The following WWOX variants were observed in gnomAD, a reference collection of about 807,000 sequenced individuals.
WWOX encodes WW domain containing oxidoreductase.
In WWOX, 69 loss-of-function variants were observed where a neutral mutation model predicts 46.2. The ratio of observed to expected loss-of-function variants is 1.49; its 90% confidence interval spans 1.23 to 1.82. The LOEUF (loss-of-function observed/expected upper bound fraction) is 1.82, where lower values mean the gene tolerates loss of function less well. Ranked by LOEUF, WWOX falls within the 40% of genes most tolerant of loss-of-function variation. The pLI is 0.00. For missense variants in WWOX, 919 were observed against 542.6 expected (o/e 1.69, Z -6.89); for synonymous variants, 359 against 202.6 (o/e 1.77, Z -6.56).
intron 8 of WWOX, among the ~76,000 whole-genome samples, chr16:79,150,204 C>G (rs920261884): frequency 6.6e-6 from 1 of 152,138 alleles, no homozygotes; most frequent in Non-Finnish European, 1.5e-5. Flanking sequence ...AGAAGAGATC[C>G]TTTCCCAAAC....
intron 8 of WWOX, among the ~76,000 whole-genome samples, chr16:79,091,592 G>A (rs1212299635): frequency 1.3e-5 from 2 of 152,034 alleles, no homozygotes; most frequent in East Asian, 1.9e-4. Flanking sequence ...CAATCTGGGG[G>A]AACTGTGCCC....
Position 78,514,706 on chromosome 16 carries a change from T to C in WWOX, c.1056+81954T>C, listed in dbSNP as rs190040343. ...ATTTATTATTAAGTGGAATAAGCAGTTTAAAAACAGTATGTACAGGGTGGT... is the reference window on the plus strand; with the variant it reads ...ATTTATTATTAAGTGGAATAAGCAGCTTAAAAACAGTATGTACAGGGTGGT... On this transcript the variant is annotated intron_variant, in intron 8 of 8. Transcript: ENST00000566780. 3.3e-3 allele frequency among the ~76,000 whole-genome samples: 497 copies of C among 152,272 alleles called. 2 individuals are homozygous for C. The highest frequency in any genetic ancestry group is 0.01 in the Middle Eastern group (3 of 294).
chr16:78,802,201 G>GGTTTTTTTTTTTTTTTTTTTTTT (rs2050908504), intron 8 of WWOX, among the ~76,000 whole-genome samples: 2 of 119,910 alleles, frequency 1.7e-5, no homozygotes, highest in Non-Finnish European at 3.5e-5. Context: ...TGTTTGTTTA[G>GGTTTTTTTTTTTTTTTTTTTTTT]GTTTTTTTTT....
chr16:78,991,334 C>T (rs1159712525), intron 8 of WWOX, among the ~76,000 whole-genome samples: 1 of 152,156 alleles, frequency 6.6e-6, no homozygotes, highest in Admixed American at 6.5e-5. Context: ...TGGCTCACGC[C>T]TGTAATTCCA....
At chr16:78,204,399 T>C (rs1011128968) in intron 5 of WWOX, among the ~76,000 whole-genome samples, 2 of 152,204 alleles carry the variant, frequency 1.3e-5, no homozygotes, top group Admixed American at 1.3e-4. Context: ...ATTTATCCTT[T>C]GTGTTACAAG....
chr16:78,233,743 G>A (rs2151810730), intron 5 of WWOX, among the ~76,000 whole-genome samples: 1 of 152,178 alleles, frequency 6.6e-6, no homozygotes, highest in African/African-American at 2.4e-5. Flanking sequence ...TAGCCAGGAT[G>A]GTCTAGATCT....
chr16:78,828,664 A>T (rs2151154565), intron 8 of WWOX, among the ~76,000 whole-genome samples: 1 of 152,294 alleles, frequency 6.6e-6, no homozygotes, highest in South Asian at 2.1e-4. Context: ...TCACACTCTG[A>T]CCTTTATTAA....
chr16:78,221,531 T>C (rs1240670449), intron 5 of WWOX, among the ~76,000 whole-genome samples: 1 of 152,166 alleles, frequency 6.6e-6, no homozygotes, highest in Admixed American at 6.5e-5. Context: ...GTCTTGTCTT[T>C]CCTCAGAAGG....
At chr16:78,186,706 A>C (rs1048714165) in intron 5 of WWOX, among the ~76,000 whole-genome samples, 10 of 152,252 alleles carry the variant, frequency 6.6e-5, no homozygotes, top group African/African-American at 2.2e-4. Context: ...CAGAGGTTGC[A>C]GTGAGCCAAG....
At chr16:78,722,784 T>C (rs2048726203) in intron 8 of WWOX, among the ~76,000 whole-genome samples, 1 of 151,044 alleles carries the variant, frequency 6.6e-6, no homozygotes, top group Non-Finnish European at 1.5e-5. Flanking sequence ...CTCATGGCTG[T>C]AATCTCAGCA....
intron 8 of WWOX, among the ~76,000 whole-genome samples, chr16:79,001,012 G>C (rs945557093): frequency 6.6e-6 from 1 of 152,200 alleles, no homozygotes; most frequent in African/African-American, 2.4e-5. Flanking sequence ...AGAGCTCAGC[G>C]AGTATTTGCA....
chr16:79,029,501 G>A (rs774321376), intron 8 of WWOX, among the ~76,000 whole-genome samples: 6 of 152,136 alleles, frequency 3.9e-5, no homozygotes, highest in Non-Finnish European at 8.8e-5. Flanking sequence ...TTAGGATCTT[G>A]GGGCAGTGAG....
At chr16:78,157,166 C>T (rs1382249715) in intron 4 of WWOX, among the ~76,000 whole-genome samples, 2 of 152,148 alleles carry the variant, frequency 1.3e-5, no homozygotes, top group East Asian at 3.9e-4. Context: ...CCACAGTCCA[C>T]CATTCCGTCC....
chr16:79,034,845 AG>A (rs1220691345), intron 8 of WWOX, among the ~76,000 whole-genome samples: 1 of 152,184 alleles, frequency 6.6e-6, no homozygotes, highest in African/African-American at 2.4e-5. Context: ...GTAGTGTATT[AG>A]GCTAAGTATG....
At chr16:78,870,901 C>T (rs761007959) in intron 8 of WWOX, among the ~76,000 whole-genome samples, 1 of 152,172 alleles carries the variant, frequency 6.6e-6, no homozygotes, top group Non-Finnish European at 1.5e-5. Flanking sequence ...CATGCCCGGC[C>T]TAATCTAATC....
intron 8 of WWOX, among the ~76,000 whole-genome samples, chr16:78,943,640 G>C (rs935166433): frequency 2.0e-5 from 3 of 152,170 alleles, no homozygotes; most frequent in Non-Finnish European, 4.4e-5. Context: ...CAATGGCCTG[G>C]ACGCAGCTGA....
At chr16:78,359,396 A>G (rs1436611408) in intron 5 of WWOX, among the ~76,000 whole-genome samples, 1 of 152,234 alleles carries the variant, frequency 6.6e-6, no homozygotes. Flanking sequence ...GCTGTGCTTA[A>G]TTCTTATTAA....
chr16:78,237,870 T>G (rs1273085564), intron 5 of WWOX, among the ~76,000 whole-genome samples: 1 of 152,320 alleles, frequency 6.6e-6, no homozygotes, highest in East Asian at 1.9e-4. Context: ...AAAGCCTAAG[T>G]TGTTTACTAT....
intron 8 of WWOX, among the ~76,000 whole-genome samples, chr16:78,980,004 TGTACTTCCAGCTGCTTG>T: frequency 6.6e-6 from 1 of 152,254 alleles, no homozygotes; most frequent in African/African-American, 2.4e-5. Context: ...GGTGGGCACC[TGTACTTCCAGCTGCTTG>T]GGAAGCTGAG....
Sources: allele counts gnomAD v4.1 joint callset (sites outside exome capture counted in the v4.1 genomes callset), GRCh38; gene constraint gnomAD v4.1.1; transcripts MANE v1.5; gene names NCBI Gene and HGNC (gene_info 2026-07-23, HGNC 2026-07-21).